Variants in EXOSC4 observed in about 807,000 individuals in gnomAD.
EXOSC4 encodes exosome component 4.
A neutral mutation model predicts 20.0 loss-of-function variants in EXOSC4; 14 were observed. The observed-to-expected ratio is 0.70, with a 90% CI of 0.46 to 1.09. The LOEUF (loss-of-function observed/expected upper bound fraction) is 1.09, where lower values mean the gene tolerates loss of function less well. EXOSC4 is among the 50% of genes least tolerant of loss of function. The pLI is 0.00. For synonymous variants in EXOSC4, 148 were observed against 146.4 expected (o/e 1.01, Z -0.08); for missense variants, 337 against 334.0 (o/e 1.01, Z -0.07).
intron 1 of EXOSC4, 124 bp downstream of exon 1, chr8:144,079,023 C>A: frequency 9.0e-7 from 1 of 1,115,266 alleles, no homozygotes. Flanking sequence ...AGCCGATGCT[C>A]AGCACCGCAT....
At chr8:144,070,706 C>A in the EXOSC4 span, among the ~76,000 whole-genome samples, 20,996 of 150,370 alleles carry the variant, frequency 0.14, 2,371 homozygotes, top group African/African-American at 0.32. Context: ...CGCACGCCTG[C>A]AATCCCAGCT....
At chr8:144,068,442 C>T in the EXOSC4 span, among the ~76,000 whole-genome samples, 7 of 152,318 alleles carry the variant, frequency 4.6e-5, no homozygotes, top group South Asian at 4.1e-4. Context: ...TAGACGAACA[C>T]GCTGCCCTGG....
chr8:144,072,302 T>C, the EXOSC4 span, among the ~76,000 whole-genome samples: 2 of 152,136 alleles, frequency 1.3e-5, no homozygotes, highest in Admixed American at 1.3e-4. Context: ...TGCCTCAGCC[T>C]CCCAAGTAAC....
the EXOSC4 span, among the ~76,000 whole-genome samples, chr8:144,072,515 C>T: frequency 9.2e-5 from 14 of 152,190 alleles, no homozygotes; most frequent in Admixed American, 8.5e-4. Flanking sequence ...TGTATGTTTA[C>T]CTACCCATTA....
the EXOSC4 span, among the ~76,000 whole-genome samples, chr8:144,064,365 G>GC: frequency 1.3e-5 from 2 of 152,244 alleles, no homozygotes; most frequent in African/African-American, 4.8e-5. Context: ...TGGTATGTCG[G>GC]CAGTCACGGT....
the EXOSC4 span, among the ~76,000 whole-genome samples, chr8:144,072,184 GT>G: frequency 6.6e-6 from 1 of 151,780 alleles, no homozygotes; most frequent in Non-Finnish European, 1.5e-5. Context: ...GCCTTGTTTT[GT>G]TTTGTTTTTT....
the EXOSC4 span, among the ~76,000 whole-genome samples, chr8:144,067,113 TGA>T: frequency 2.0e-5 from 3 of 152,070 alleles, no homozygotes; most frequent in Admixed American, 1.3e-4. Flanking sequence ...AAAAAAAGAA[TGA>T]GAGGCTCAGT....
chr8:144,078,399 G>A (rs1250445448), upstream of EXOSC4: 1 of 223,386 alleles, frequency 4.5e-6, no homozygotes, highest in Non-Finnish European at 8.8e-6. This position sits in a 1 kb window ranked among gnomAD's most constrained non-coding sequence, Gnocchi z 4.7. Flanking sequence ...GCACAGCTCC[G>A]GGAACGGCTG....
chr8:144,072,706 G>C, the EXOSC4 span, among the ~76,000 whole-genome samples: 1 of 152,152 alleles, frequency 6.6e-6, no homozygotes, highest in Non-Finnish European at 1.5e-5. Flanking sequence ...TAACCTCCAG[G>C]GTGATGCAAA....
chr8:144,066,436 CT>C, the EXOSC4 span, among the ~76,000 whole-genome samples: 5,061 of 98,168 alleles, frequency 0.052, 198 homozygotes, highest in African/African-American at 0.22. Flanking sequence ...GAGTTTTTCT[CT>C]TTTTTTTTTT....
At position 144,078,929 on chromosome 8, in the gene EXOSC4, G is replaced by A. The variant is rs782038139; in HGVS notation, c.171+30G>A. On this transcript the variant is annotated intron_variant, in intron 1 of 2. Transcript: ENST00000316052. The surrounding 1 kb of genome is among the most constrained non-coding windows in gnomAD (Gnocchi z 4.7). ...GTGGGCGCGCGGGATGGGGAATCGT[G>A]TGGCCGTGGGAGCTGCGGGGCAGCC... is the stretch of plus-strand genomic sequence containing the variant. 7.6e-6 allele frequency: 11 copies of A among 1,447,212 alleles called. No homozygotes were observed. The highest frequency in any genetic ancestry group is 1.0e-5 in the Non-Finnish European group (11 of 1,097,772). 89.6% of individuals were successfully genotyped at this position (1,447,212 alleles called of 1,614,324 possible).
In EXOSC4 at chr8:144,078,878, T is replaced by C; in HGVS notation, c.150T>C (p.Ala50=). The part of the protein sequence containing the change: ...YIEQGNTKAL[A]VVYGPHEIRG... ...AGCAGGGCAACACCAAGGCACTGGC[T>C]GTGGTCTACGGCCCGCACGAGGCGA... is the stretch of plus-strand genomic sequence containing the variant. Residue 50 remains alanine, a synonymous_variant, in exon 1 of 3, where the codon GCT becomes GCC. Coordinates refer to ENST00000316052, the MANE Select transcript of EXOSC4 (RefSeq NM_019037.3). This position sits in a 1 kb window ranked among gnomAD's most constrained non-coding sequence, Gnocchi z 4.7. 6.6e-7 allele frequency: 1 copy of C among 1,520,034 alleles called. No homozygotes were observed. Among genetic ancestry groups the C allele is most frequent in the South Asian group, 1.2e-5 (1 of 81,184 alleles). 94.2% of individuals were successfully genotyped at this position (1,520,034 alleles called of 1,614,324 possible).
upstream of EXOSC4, chr8:144,078,602 C>T (rs1835860521): frequency 5.5e-6 from 6 of 1,100,298 alleles, no homozygotes; most frequent in African/African-American, 3.3e-5. The surrounding 1 kb of genome is among the most constrained non-coding windows in gnomAD (Gnocchi z 4.7). Flanking sequence ...AGCTGTAGTT[C>T]CCCGGAACCG....
chr8:144,080,608 A>C lies in EXOSC4; in HGVS notation c.*7A>C. The C allele has an allele frequency of 6.3e-7, 1 of 1,595,440 alleles. No individual in the cohort carries two copies. On this transcript the variant is annotated 3_prime_UTR_variant, in exon 3 of 3. Transcript: ENST00000316052. This position sits in a 1 kb window ranked among gnomAD's most constrained non-coding sequence, Gnocchi z 4.9. Reference sequence around the variant, plus strand: ...TATCTTGCTGGGGGACTGACCACCCAGCCACCCATGTCCAGAATAAAACCC... The same window carrying C: ...TATCTTGCTGGGGGACTGACCACCCCGCCACCCATGTCCAGAATAAAACCC...
At chr8:144,078,521 C>G, upstream of EXOSC4, 1 of 450,788 alleles carries the variant, frequency 2.2e-6, no homozygotes, top group African/African-American at 2.0e-5. This position sits in a 1 kb window ranked among gnomAD's most constrained non-coding sequence, Gnocchi z 4.7. Flanking sequence ...CGGTGAACTC[C>G]AGTTCACCAG....
At chr8:144,068,337 G>A in the EXOSC4 span, among the ~76,000 whole-genome samples, 4 of 152,220 alleles carry the variant, frequency 2.6e-5, no homozygotes, top group African/African-American at 9.6e-5. Flanking sequence ...TGGCCGCCCT[G>A]CAGACTGCAA....
chr8:144,078,625 G>C (rs76352871), upstream of EXOSC4: 13,293 of 1,250,008 alleles, frequency 0.011, 1,209 homozygotes, highest in African/African-American at 0.19. This position sits in a 1 kb window ranked among gnomAD's most constrained non-coding sequence, Gnocchi z 4.7. Context: ...AGTGATGGCG[G>C]ACCTCCGGAA....
chr8:144,075,047 C>T (rs1587583201), upstream of EXOSC4, among the ~76,000 whole-genome samples: 1 of 152,054 alleles, frequency 6.6e-6, no homozygotes, highest in South Asian at 2.1e-4. Flanking sequence ...GAAACTAAAT[C>T]ATTTTCTTGG....
the EXOSC4 span, among the ~76,000 whole-genome samples, chr8:144,070,795 T>A: frequency 6.6e-6 from 1 of 151,614 alleles, no homozygotes; most frequent in African/African-American, 2.4e-5. Context: ...ACCATTGCAC[T>A]CCAGCCTGGG....
Sources: gnomAD v4.1 joint callset for allele counts (sites outside exome capture counted in the v4.1 genomes callset) on GRCh38, gnomAD v4.1.1 for gene constraint, Gnocchi (gnomAD v3.1) non-coding constraint, MANE v1.5 for transcripts, NCBI Gene and HGNC (gene_info 2026-07-23, HGNC 2026-07-21) for gene names.